PRKCA: variants seen among roughly 807,000 people sequenced by gnomAD.
PRKCA encodes the protein protein kinase C alpha.
In PRKCA, 27 loss-of-function variants were observed where a neutral mutation model predicts 87.0. That is an observed-to-expected ratio of 0.31 (90% CI 0.23 to 0.43). The LOEUF (loss-of-function observed/expected upper bound fraction) is 0.43. Among genes scored for constraint, PRKCA ranks in the 20% least tolerant of loss-of-function variants. The probability of loss-of-function intolerance (pLI) is 1.00; values close to 1 mark genes in which losing one functional copy is unlikely to be tolerated. For missense variants in PRKCA, 518 were observed against 852.3 expected (o/e 0.61, Z 4.88); for synonymous variants, 329 against 311.1 (o/e 1.06, Z -0.61).
chr17:66,505,635 C>T (rs1916941877), intron 3 of PRKCA, among the ~76,000 whole-genome samples: 1 of 152,022 alleles, frequency 6.6e-6, no homozygotes, highest in Non-Finnish European at 1.5e-5. Flanking sequence ...GACAACAGGC[C>T]AGTGGAACCC....
intron 2 of PRKCA, among the ~76,000 whole-genome samples, chr17:66,493,297 T>TTGTGTGTGTGTGTGTGTG (rs61513917): frequency 2.0e-4 from 28 of 143,178 alleles, no homozygotes; most frequent in African/African-American, 6.5e-4. Flanking sequence ...GTAGGTATAT[T>TTGTGTGTGTGTGTGTGTG]TGTGTGTGTG....
intron 7 of PRKCA, 52 bp downstream of exon 7, chr17:66,688,488 C>T: frequency 6.2e-7 from 1 of 1,605,580 alleles, no homozygotes; most frequent in Non-Finnish European, 8.5e-7. Context: ...ACCATTTAGA[C>T]AGTTAGGTTT....
intron 3 of PRKCA, among the ~76,000 whole-genome samples, chr17:66,633,844 G>A (rs936834255): frequency 2.0e-5 from 3 of 152,186 alleles, no homozygotes; most frequent in Non-Finnish European, 2.9e-5. Context: ...TGAAGGGAGC[G>A]TTAACTCCTC....
intron 3 of PRKCA, chr17:66,638,300 C>T (rs904495406): frequency 5.3e-5 from 8 of 151,968 alleles, no homozygotes; most frequent in Non-Finnish European, 8.8e-5. Context: ...AAATACAAAA[C>T]TTGGAGTGAA....
At chr17:66,325,474 A>G (rs566082157) in intron 2 of PRKCA, among the ~76,000 whole-genome samples, 3 of 152,138 alleles carry the variant, frequency 2.0e-5, no homozygotes, top group Admixed American at 1.3e-4. Context: ...AAAAATCTGG[A>G]CAGGAAATAA....
chr17:66,380,721 TA>T (rs1195659445), intron 2 of PRKCA, among the ~76,000 whole-genome samples: 1 of 152,200 alleles, frequency 6.6e-6, no homozygotes, highest in African/African-American at 2.4e-5. Flanking sequence ...CATCTAATTG[TA>T]ATTACTTAAA....
intron 2 of PRKCA, among the ~76,000 whole-genome samples, chr17:66,443,906 T>C (rs1264661784): frequency 6.6e-6 from 1 of 152,134 alleles, no homozygotes; most frequent in African/African-American, 2.4e-5. Context: ...AGCACAGACT[T>C]AACCCAGAAA....
Position 66,413,615 on chromosome 17 carries a change from T to A in PRKCA, c.206-82586T>A, listed in dbSNP as rs530935953. On this transcript the variant is annotated intron_variant, in intron 2 of 16. Coordinates refer to ENST00000413366, the MANE Select transcript of PRKCA (RefSeq NM_002737.3). ...TCATTAGAACAAAAGAAGCTCCCATTACCCAACAGATTCCAAAAGATTTTG... is the reference window on the plus strand; with the variant it reads ...TCATTAGAACAAAAGAAGCTCCCATAACCCAACAGATTCCAAAAGATTTTG... 5.9e-5 allele frequency among the ~76,000 whole-genome samples: 9 copies of A among 152,256 alleles called. No individual in the cohort carries two copies. The East Asian group carries it at 1.7e-3, about 29-fold the overall frequency.
chr17:66,374,125 A>G (rs112231965), intron 2 of PRKCA, among the ~76,000 whole-genome samples: 1,753 of 152,136 alleles, frequency 0.012, 31 homozygotes, highest in African/African-American at 0.04. Flanking sequence ...GAGGGCTCTG[A>G]AGCACACCCT....
Position 66,782,775 on chromosome 17 carries a change from C to G in PRKCA, c.1606-4092C>G, listed in dbSNP as rs140218376. ...GGCTGTAGCCGAGTACCCTCTGCCTCACTTCACCCCTACCAGGAGCAGTGT... is the reference window on the plus strand; with the variant it reads ...GGCTGTAGCCGAGTACCCTCTGCCTGACTTCACCCCTACCAGGAGCAGTGT... On this transcript the variant is annotated intron_variant, in intron 14 of 16. Coordinates refer to ENST00000413366, the MANE Select transcript of PRKCA (RefSeq NM_002737.3). 2.7e-3 allele frequency among the ~76,000 whole-genome samples: 408 copies of G among 152,336 alleles called. 1 individual carries two copies. Among genetic ancestry groups the G allele is most frequent in the African/African-American group, 9.4e-3 (391 of 41,566 alleles).
chr17:66,788,474 A>G (rs965208396), intron 15 of PRKCA, among the ~76,000 whole-genome samples: 2 of 152,104 alleles, frequency 1.3e-5, no homozygotes, highest in African/African-American at 4.8e-5. Context: ...TGCTTTCAGC[A>G]CACACAATTT....
chr17:66,621,523 C>T lies in PRKCA; in HGVS notation c.289-19832C>T, dbSNP rs184219096. 6.2e-3 allele frequency among the ~76,000 whole-genome samples: 950 copies of T among 152,220 alleles called. 31 individuals are homozygous for T. The highest frequency in any genetic ancestry group is 0.054 in the Admixed American group (832 of 15,282). ...CTTAGTGTTCAGAGGATTATTTGCT[C>T]CATTTAGGAATTAGAAATCTTCATA... On this transcript the variant is annotated intron_variant, in intron 3 of 16. Coordinates refer to ENST00000413366, the MANE Select transcript of PRKCA (RefSeq NM_002737.3).
At chr17:66,584,726 C>T (rs919861827) in intron 3 of PRKCA, among the ~76,000 whole-genome samples, 5 of 152,138 alleles carry the variant, frequency 3.3e-5, no homozygotes, top group Admixed American at 6.5e-5. Context: ...TGTCTTCACA[C>T]GGCCTTCTTC....
At chr17:66,572,684 A>G (rs1356877352) in intron 3 of PRKCA, among the ~76,000 whole-genome samples, 4 of 152,004 alleles carry the variant, frequency 2.6e-5, no homozygotes, top group Admixed American at 6.6e-5. Flanking sequence ...TTTTGTAGAG[A>G]TGGGCTCTTG....
intron 3 of PRKCA, among the ~76,000 whole-genome samples, chr17:66,550,969 T>A (rs1968309069): frequency 6.6e-6 from 1 of 152,238 alleles, no homozygotes; most frequent in South Asian, 2.1e-4. Context: ...ATGAGTTACA[T>A]GGGCGTTTAC....
At chr17:66,434,077 G>A (rs925079031) in intron 2 of PRKCA, among the ~76,000 whole-genome samples, 2 of 151,954 alleles carry the variant, frequency 1.3e-5, no homozygotes, top group Non-Finnish European at 2.9e-5. Flanking sequence ...CTCAGCCTGA[G>A]CTCTTTCTCT....
At chr17:66,377,945 C>G (rs2060132306) in intron 2 of PRKCA, among the ~76,000 whole-genome samples, 1 of 151,744 alleles carries the variant, frequency 6.6e-6, no homozygotes, top group Admixed American at 6.6e-5. Context: ...CATTACTGTT[C>G]ATCATGGTTT....
rs1200189962 is a variant in PRKCA, at chr17:66,341,576, A to G, written c.205+35449A>G. Among the ~76,000 whole-genome samples the G allele has an allele frequency of 2.6e-5, 4 of 152,338 alleles. No individual in the cohort carries two copies. The East Asian group carries it at 5.8e-4, about 22-fold the overall frequency. On this transcript the variant is annotated intron_variant, in intron 2 of 16. Coordinates refer to ENST00000413366, the MANE Select transcript of PRKCA (RefSeq NM_002737.3). ...AGAAGTTTGCCAAAAGGTAAAAAGC[A>G]CTTCCCAAACAATCCTACGGTTTTG...
chr17:66,396,790 C>T (rs747848124), intron 2 of PRKCA, among the ~76,000 whole-genome samples: 5 of 150,572 alleles, frequency 3.3e-5, no homozygotes, highest in Admixed American at 2.7e-4. Context: ...CACCATGCCT[C>T]GCCCTGTCAT....
Sources: allele counts gnomAD v4.1 joint callset (sites outside exome capture counted in the v4.1 genomes callset), GRCh38; gene constraint gnomAD v4.1.1; transcripts MANE v1.5; gene names NCBI Gene and HGNC (gene_info 2026-07-23, HGNC 2026-07-21).